Variants in ADAM22 observed in about 807,000 individuals in gnomAD.
ADAM22 encodes disintegrin and metalloproteinase domain-containing protein 22.
ADAM22 carries 65 observed loss-of-function variants against 144.6 expected under a neutral mutation model. The observed-to-expected ratio is 0.45, with a 90% CI of 0.37 to 0.55. ADAM22 has a LOEUF of 0.55. Among genes scored for constraint, ADAM22 ranks in the 20% least tolerant of loss-of-function variants. ADAM22 has a pLI of 0.00. For missense variants in ADAM22, 974 were observed against 1,184.9 expected, an observed-to-expected ratio of 0.82 and a Z score of 2.61; for synonymous variants, 391 against 412.6, an observed-to-expected ratio of 0.95 and a Z score of 0.63.
intron 8 of ADAM22, among the ~76,000 whole-genome samples, chr7:88,126,571 A>C (rs1322337674): frequency 2.6e-5 from 4 of 152,010 alleles, no homozygotes; most frequent in African/African-American, 9.7e-5. Context: ...TTAACCCTCA[A>C]AAACCTTAAG....
At chr7:88,113,848 C>CA (rs1826981671) in intron 5 of ADAM22, among the ~76,000 whole-genome samples, 1 of 149,828 alleles carries the variant, frequency 6.7e-6, no homozygotes, top group South Asian at 2.1e-4. Flanking sequence ...GCTCTGTAAA[C>CA]ACGCTGATTG....
chr7:88,045,334 A>G (rs531479258), intron 3 of ADAM22, among the ~76,000 whole-genome samples: 1 of 152,222 alleles, frequency 6.6e-6, no homozygotes, highest in African/African-American at 2.4e-5. Context: ...AGACATTTCA[A>G]CCATGAATCT....
intron 22 of ADAM22, among the ~76,000 whole-genome samples, chr7:88,162,763 A>G (rs1281524276): frequency 1.3e-5 from 2 of 152,024 alleles, no homozygotes. Context: ...GAAATGATAA[A>G]CCTGTTTCAA....
chr7:87,980,026 C>G (rs544642817), intron 3 of ADAM22, among the ~76,000 whole-genome samples: 1 of 152,284 alleles, frequency 6.6e-6, no homozygotes, highest in South Asian at 2.1e-4. Flanking sequence ...TCCATTCTGG[C>G]CAAACTGCCT....
intron 3 of ADAM22, among the ~76,000 whole-genome samples, chr7:88,036,476 TCAC>T (rs1801549797): frequency 6.6e-6 from 1 of 152,196 alleles, no homozygotes; most frequent in South Asian, 2.1e-4. Flanking sequence ...ACCCATTTTA[TCAC>T]CACATTTATT....
intron 4 of ADAM22, among the ~76,000 whole-genome samples, chr7:88,081,555 C>G (rs1332576089): frequency 2.0e-5 from 3 of 151,600 alleles, no homozygotes; most frequent in African/African-American, 7.3e-5. Context: ...CAAATTGTCC[C>G]TGTTTGCAGA....
At chr7:88,006,055 C>T (rs547900865) in intron 3 of ADAM22, among the ~76,000 whole-genome samples, 1 of 152,236 alleles carries the variant, frequency 6.6e-6, no homozygotes, top group South Asian at 2.1e-4. Context: ...ATATCACTGT[C>T]TAGCTTTTGA....
chr7:87,985,203 C>A (rs1788167525), intron 3 of ADAM22, among the ~76,000 whole-genome samples: 1 of 151,366 alleles, frequency 6.6e-6, no homozygotes, highest in South Asian at 2.1e-4. Context: ...GTCCCGGTTA[C>A]TCGGGAGGCT....
intron 3 of ADAM22, among the ~76,000 whole-genome samples, chr7:87,998,492 G>A (rs144140990): frequency 3.9e-4 from 59 of 152,246 alleles, no homozygotes; most frequent in African/African-American, 1.4e-3. Context: ...CCAGGTGCAG[G>A]TGATTCTCCT....
intron 3 of ADAM22, among the ~76,000 whole-genome samples, chr7:88,035,252 G>C (rs750006481): frequency 6.6e-6 from 1 of 152,246 alleles, no homozygotes; most frequent in Non-Finnish European, 1.5e-5. Context: ...CTGTAGGAAG[G>C]AAAACTTTCT....
intron 4 of ADAM22, among the ~76,000 whole-genome samples, chr7:88,104,594 T>C (rs559791376): frequency 6.6e-6 from 1 of 151,638 alleles, no homozygotes; most frequent in East Asian, 1.9e-4. Context: ...TTTAACAGCC[T>C]AACTCTTGGA....
At chr7:88,089,173 T>G (rs1468728440) in intron 4 of ADAM22, among the ~76,000 whole-genome samples, 1 of 152,166 alleles carries the variant, frequency 6.6e-6, no homozygotes, top group South Asian at 2.1e-4. Flanking sequence ...ACCCTGGATA[T>G]AAAATTTCCT....
At chr7:87,953,830 T>A (rs1269920384) in intron 2 of ADAM22, among the ~76,000 whole-genome samples, 3 of 152,186 alleles carry the variant, frequency 2.0e-5, no homozygotes, top group South Asian at 2.1e-4. Context: ...GTGCTCCTGT[T>A]TTGGGTGCAT....
At chr7:88,144,104 T>G (rs544537046) in intron 15 of ADAM22, among the ~76,000 whole-genome samples, 1 of 152,332 alleles carries the variant, frequency 6.6e-6, no homozygotes, top group African/African-American at 2.4e-5. Flanking sequence ...TTGACTCATT[T>G]GTAGAAGAGA....
intron 15 of ADAM22, among the ~76,000 whole-genome samples, chr7:88,144,215 G>A (rs943151894): frequency 2.6e-5 from 4 of 152,064 alleles, no homozygotes; most frequent in Non-Finnish European, 5.9e-5. Flanking sequence ...GTGCACGTGT[G>A]TATCCATCTG....
chr7:88,142,217 C>A (rs1834903667), intron 14 of ADAM22, among the ~76,000 whole-genome samples: 1 of 152,166 alleles, frequency 6.6e-6, no homozygotes, highest in African/African-American at 2.4e-5. Flanking sequence ...GTAAAATTAT[C>A]TAATTCTTAG....
chr7:88,189,688 G>A lies in ADAM22; in HGVS notation c.2750+2987G>A, dbSNP rs139676024. Among the ~76,000 whole-genome samples the A allele has an allele frequency of 2.8e-3, 426 of 152,272 alleles. 1 individual carries two copies. The highest frequency in any genetic ancestry group is 9.9e-3 in the African/African-American group (412 of 41,544). On this transcript the variant is annotated intron_variant, in intron 30 of 31. Coordinates refer to ENST00000413139, the MANE Select transcript of ADAM22 (RefSeq NM_001324418.2). ...AGGCCAGGCGCAGTGGCTCACGCCT[G>A]TAATCCCAGCACTTTGGGAGGCCAA... is the stretch of plus-strand genomic sequence containing the variant.
chr7:88,006,965 C>G (rs1243418408), intron 3 of ADAM22, among the ~76,000 whole-genome samples: 1 of 151,510 alleles, frequency 6.6e-6, no homozygotes, highest in Non-Finnish European at 1.5e-5. Context: ...TCAAATTGTC[C>G]CTGTTTGCAG....
Position 87,980,133 on chromosome 7 carries a change from G to T in ADAM22, c.323+1721G>T, listed in dbSNP as rs1003831316. ...TCAAAGCGTGAAGTTTAGAATACTG[G>T]GGTTGAAGCATAATTTCTTCTGAGA... On this transcript the variant is annotated intron_variant, in intron 3 of 31. Transcript: ENST00000413139. 4.6e-5 allele frequency among the ~76,000 whole-genome samples: 7 copies of T among 152,178 alleles called. No homozygotes were observed. The South Asian group carries it at 1.0e-3, about 23-fold the overall frequency.
Sources: gnomAD v4.1 joint callset for allele counts (sites outside exome capture counted in the v4.1 genomes callset) on GRCh38, gnomAD v4.1.1 for gene constraint, MANE v1.5 for transcripts, NCBI Gene and HGNC (gene_info 2026-07-23, HGNC 2026-07-21) for gene names.